The following CAPN5 variants were observed in gnomAD, a reference collection of about 807,000 sequenced individuals.
CAPN5 encodes the protein calpain 5, also known as calpain-5.
CAPN5 carries 54 observed loss-of-function variants against 73.0 expected under a neutral mutation model. The observed-to-expected ratio is 0.74, with a 90% CI of 0.59 to 0.93. The LOEUF (loss-of-function observed/expected upper bound fraction) is 0.93, where lower values mean the gene tolerates loss of function less well. Among genes scored for constraint, CAPN5 ranks in the 40% least tolerant of loss-of-function variants. The pLI, the probability that CAPN5 is intolerant of heterozygous loss-of-function variation, is 0.00. For missense variants in CAPN5, 785 were observed against 882.9 expected (o/e 0.89, Z 1.41); for synonymous variants, 335 against 356.9 (o/e 0.94, Z 0.69).
intron 1 of CAPN5, among the ~76,000 whole-genome samples, chr11:77,080,149 A>T (rs1234068100): frequency 6.6e-6 from 1 of 152,188 alleles, no homozygotes; most frequent in Non-Finnish European, 1.5e-5. Flanking sequence ...TTTGTCATAT[A>T]TCAGGTGTCC....
At chr11:77,086,445 C>T (rs1283908541) in intron 2 of CAPN5, among the ~76,000 whole-genome samples, 5 of 152,174 alleles carry the variant, frequency 3.3e-5, no homozygotes, top group Non-Finnish European at 7.3e-5. Flanking sequence ...TGCACCCCAC[C>T]TTCCTGGCAC....
At chr11:77,099,751 C>T (rs370056839) in intron 3 of CAPN5, among the ~76,000 whole-genome samples, 10 of 135,262 alleles carry the variant, frequency 7.4e-5, no homozygotes, top group South Asian at 2.4e-4. Flanking sequence ...GAGAGGGAGA[C>T]GGAGAGGGAG....
intron 2 of CAPN5, 49 bp downstream of exon 2, chr11:77,085,100 C>T: frequency 6.4e-7 from 1 of 1,553,960 alleles, no homozygotes; most frequent in East Asian, 2.3e-5. Context: ...CCAGGCCCAC[C>T]CACAAGGCTG....
At chr11:77,119,521 C>A (rs190621885) in intron 9 of CAPN5, 2 of 240,604 alleles carry the variant, frequency 8.3e-6, no homozygotes, top group Admixed American at 4.9e-5. Flanking sequence ...CCCCTTGCAG[C>A]CCCTTAGCCT....
At chr11:77,101,749 C>A (rs1474527009) in intron 3 of CAPN5, among the ~76,000 whole-genome samples, 8 of 152,172 alleles carry the variant, frequency 5.3e-5, no homozygotes, top group Admixed American at 5.2e-4. Context: ...TCCCCAACTC[C>A]CATCCCCACT....
chr11:77,105,652 C>T (rs1950338066), intron 3 of CAPN5, among the ~76,000 whole-genome samples: 2 of 152,312 alleles, frequency 1.3e-5, no homozygotes, highest in South Asian at 4.1e-4. Flanking sequence ...TCAGGCAGCT[C>T]CCAACCCCCT....
chr11:77,112,984 G>T, intron 4 of CAPN5, 187 bp downstream of exon 4: 1 of 624,908 alleles, frequency 1.6e-6, no homozygotes, highest in Non-Finnish European at 2.8e-6. Context: ...GTGGGGTGGA[G>T]GCCTGGGCCC....
At chr11:77,112,848 C>A in intron 4 of CAPN5, 51 bp downstream of exon 4, 1 of 1,544,142 alleles carries the variant, frequency 6.5e-7, no homozygotes, top group Non-Finnish European at 8.9e-7. Context: ...GGGGGTGGCA[C>A]CGGATGGGCT....
chr11:77,097,265 G>A (rs938489793), intron 3 of CAPN5, among the ~76,000 whole-genome samples: 10 of 152,068 alleles, frequency 6.6e-5, no homozygotes, highest in Admixed American at 2.0e-4. Flanking sequence ...TCCCTGACCG[G>A]GTTATATTAG....
chr11:77,071,634 G>A (rs1255410224), intron 1 of CAPN5: 7 of 454,436 alleles, frequency 1.5e-5, no homozygotes, highest in African/African-American at 1.4e-4. Context: ...GCACAAAGAG[G>A]TTAACTGCTT....
intron 3 of CAPN5, among the ~76,000 whole-genome samples, chr11:77,105,612 T>G (rs1168276986): frequency 2.0e-5 from 3 of 152,344 alleles, no homozygotes; most frequent in African/African-American, 4.8e-5. Flanking sequence ...GGGTTTAGTC[T>G]GGCTTCTGTC....
intron 8 of CAPN5, among the ~76,000 whole-genome samples, chr11:77,118,716 G>A (rs533248284): frequency 4.6e-5 from 7 of 152,320 alleles, no homozygotes; most frequent in Admixed American, 2.6e-4. Flanking sequence ...GCTTCCCCAC[G>A]GGGCCTCTCC....
At position 77,103,081 on chromosome 11, in the gene CAPN5, C is replaced by T. The variant is rs782808468; in HGVS notation, c.297+9268C>T. On this transcript the variant is annotated intron_variant, in intron 3 of 12. Transcript: ENST00000648180. ...GACAAGCCGGGCAAGGTCACCATCA[C>T]AGGCACCTCGCAGAACTGGACGCCT... 6 of 1,613,862 alleles carry T rather than the reference C, an allele frequency of 3.7e-6. No homozygotes were observed. The South Asian group carries it at 4.4e-5, about 12-fold the overall frequency.
chr11:77,106,243 C>G (rs1950346829), intron 3 of CAPN5, among the ~76,000 whole-genome samples: 1 of 151,786 alleles, frequency 6.6e-6, no homozygotes, highest in Admixed American at 6.6e-5. Context: ...ATGCGCAGAA[C>G]CCTTCCCCAG....
intron 3 of CAPN5, among the ~76,000 whole-genome samples, chr11:77,095,075 A>G (rs1402342762): frequency 6.6e-6 from 1 of 152,210 alleles, no homozygotes; most frequent in Non-Finnish European, 1.5e-5. Flanking sequence ...GGGTAGGAGC[A>G]GCTGCCTGCT....
chr11:77,086,884 C>T (rs2135426762), intron 2 of CAPN5, among the ~76,000 whole-genome samples: 1 of 152,358 alleles, frequency 6.6e-6, no homozygotes, highest in East Asian at 1.9e-4. Context: ...TACTCTCCTG[C>T]TGCGTGACCC....
At chr11:77,086,240 T>C (rs1300619926) in intron 2 of CAPN5, among the ~76,000 whole-genome samples, 1 of 152,198 alleles carries the variant, frequency 6.6e-6, no homozygotes, top group Admixed American at 6.5e-5. Context: ...CCTGGGCTTT[T>C]TGGGAAAATG....
In CAPN5 at chr11:77,115,514, G is replaced by A; in HGVS notation, c.819G>A (p.Lys273=). 1 of 1,613,384 alleles carries A rather than the reference G, an allele frequency of 6.2e-7. No individual in the cohort carries two copies. Among genetic ancestry groups the A allele is most frequent in the Non-Finnish European group, 8.5e-7 (1 of 1,180,002 alleles). ...GCCACGGCCTACTGGCCTTCTTCAA[G>A]TCAGAGAAGTTGGACATGATCCGCC... is the stretch of plus-strand genomic sequence containing the variant. ...RLGHGLLAFF[K]SEKLDMIRLR... is the part of the protein sequence containing the mutation. The change falls in exon 6 of 13, where the codon AAG becomes AAA. Residue 273 remains lysine (K), a synonymous_variant. Coordinates refer to ENST00000648180, the MANE Select transcript of CAPN5 (RefSeq NM_004055.5).
In CAPN5 at chr11:77,120,734, C is replaced by A. The variant is rs372227864; in HGVS notation, c.1312C>A (p.Arg438Ser). 89 of 1,611,754 alleles carry A rather than the reference C, an allele frequency of 5.5e-5. No individual in the cohort carries two copies. The African/African-American group carries it at 1.1e-3, about 19-fold the overall frequency. The change falls in exon 10 of 13, where the codon CGC becomes AGC. Residue 438 changes from arginine (R) to serine (S), a missense_variant. Transcript: ENST00000648180. ...GCAGGTGGAGGAGAACCGCCAGTAC[C>A]GCATGCACAGCCTGCAGCACAAGGC... ...IYKVEENRQYRMHSLQHKAAS... is the reference protein window; with the variant it reads ...IYKVEENRQYSMHSLQHKAAS...
Sources: allele counts gnomAD v4.1 joint callset (sites outside exome capture counted in the v4.1 genomes callset), GRCh38; gene constraint gnomAD v4.1.1; transcripts MANE v1.5; gene names NCBI Gene and HGNC (gene_info 2026-07-23, HGNC 2026-07-21).